Variants in ARSF observed in about 807,000 individuals in gnomAD.
The protein encoded by ARSF is arylsulfatase F.
Under a neutral mutation model 35.4 loss-of-function variants are expected in ARSF, and 33 were observed. The observed-to-expected ratio is 0.93, with a 90% CI of 0.71 to 1.25. ARSF has a LOEUF of 1.25. Among genes scored for constraint, ARSF ranks in the 50% most tolerant of loss-of-function variants. The pLI is 0.00. For synonymous variants in ARSF, 222 were observed against 193.1 expected (o/e 1.15, Z -1.24); for missense variants, 501 against 480.2 (o/e 1.04, Z -0.40).
At chrX:3,076,526 C>T in intron 3 of ARSF, 22 bp from the exon 4 acceptor site, 1 of 1,183,069 alleles carries the variant, frequency 8.5e-7, no homozygotes, top group Non-Finnish European at 1.1e-6. Flanking sequence ...CTCTCCAATA[C>T]ACCTTCCCTC....
At chrX:3,085,012 G>T (rs938359573) in intron 6 of ARSF, among the ~76,000 whole-genome samples, 1 of 110,858 alleles carries the variant, frequency 9.0e-6, no homozygotes, top group Non-Finnish European at 1.9e-5. Flanking sequence ...TTAGGAAATG[G>T]AATATTGCTA....
Position 3,089,573 on chromosome X carries a change from C to T in ARSF, c.908C>T (p.Thr303Ile). 8.3e-7 allele frequency: 1 copy of T among 1,211,610 alleles called. No homozygotes were observed. Among genetic ancestry groups the T allele is most frequent in the African/African-American group, 1.7e-5 (1 of 57,836 alleles). The change falls in exon 7 of 11, where the codon ACT becomes ATT. Residue 303 changes from threonine (T) to isoleucine (I), a missense_variant. Physicochemically the swap from Thr to Ile is moderately conservative, Grantham distance 89 (BLOSUM62 -1). Transcript: ENST00000381127. ...CCTCTCCCCACCACGGACGATTTCA[C>T]TGGCACCAGCAAGCATGGCTTGTAT... ...HTPLPTTDDFTGTSKHGLYGD... is the reference protein window; with the variant it reads ...HTPLPTTDDFIGTSKHGLYGD...
chrX:3,049,007 A>G (rs1421403900), intron 1 of ARSF, among the ~76,000 whole-genome samples: 4 of 112,286 alleles, frequency 3.6e-5, no homozygotes, highest in South Asian at 3.7e-4. Flanking sequence ...AGATGCTACC[A>G]AAAGACTAGG....
At chrX:3,064,589 C>G (rs1252992193) in intron 1 of ARSF, among the ~76,000 whole-genome samples, 2 of 111,634 alleles carry the variant, frequency 1.8e-5, no homozygotes, top group African/African-American at 6.5e-5. Context: ...CTACAAAGAA[C>G]ATAAACAAAT....
At position 3,076,200 on chromosome X, in the gene ARSF, T is replaced by A. The variant is rs369517916; in HGVS notation, c.162-348T>A. Among the ~76,000 whole-genome samples the A allele has an allele frequency of 3.8e-4, 42 of 109,167 alleles. 1 individual carries two copies. The South Asian group carries it at 0.016, about 41-fold the overall frequency. The allele number at this position is 109,167 out of a possible 115,157, so 94.8% of individuals were successfully genotyped here. Reference sequence around the variant, plus strand: ...CTTTCTGTCTTTCTCTCTCCTTTTTTCTGTTTGTCTCTCTCTTTCCATCTC... The same window carrying A: ...CTTTCTGTCTTTCTCTCTCCTTTTTACTGTTTGTCTCTCTCTTTCCATCTC... On this transcript the variant is annotated intron_variant, in intron 3 of 10. Coordinates refer to ENST00000381127, the MANE Select transcript of ARSF (RefSeq NM_001201539.2).
intron 7 of ARSF, among the ~76,000 whole-genome samples, chrX:3,093,069 G>C (rs1239284582): frequency 1.8e-5 from 2 of 110,444 alleles, no homozygotes; most frequent in Non-Finnish European, 3.8e-5. Context: ...GGGAGGCTGA[G>C]GCAGGAGAAT....
intron 10 of ARSF, 118 bp from the exon 11 acceptor site, chrX:3,112,056 G>C (rs752117565): frequency 5.5e-6 from 3 of 547,942 alleles, no homozygotes; most frequent in Non-Finnish European, 5.9e-6. Context: ...AACAGGCCAC[G>C]AACAGGTACC....
intron 4 of ARSF, among the ~76,000 whole-genome samples, chrX:3,077,789 T>TTTTTTATTATTATTA (rs1555919570): frequency 6.7e-4 from 62 of 92,214 alleles, no homozygotes; most frequent in South Asian, 1.2e-3. Flanking sequence ...TTTTATTTTA[T>TTTTTTATTATTATTA]TTATTATTAT....
At chrX:3,109,171 T>C (rs1123530) in intron 9 of ARSF, among the ~76,000 whole-genome samples, 12,096 of 110,271 alleles carry the variant, frequency 0.11, 628 homozygotes, top group African/African-American at 0.19. Context: ...AATACAAAAT[T>C]AGCTGGGTGT....
intron 7 of ARSF, among the ~76,000 whole-genome samples, chrX:3,098,731 T>C (rs1181020743): frequency 6.3e-5 from 7 of 111,471 alleles, no homozygotes; most frequent in African/African-American, 2.0e-4. Context: ...ATTAGCATCG[T>C]GAAAACAGAC....
intron 4 of ARSF, among the ~76,000 whole-genome samples, chrX:3,078,938 C>T (rs2090174501): frequency 1.8e-5 from 2 of 110,985 alleles, no homozygotes; most frequent in Admixed American, 1.9e-4. Flanking sequence ...AATCACTCCC[C>T]ATTCCCCCTT....
intron 2 of ARSF, among the ~76,000 whole-genome samples, chrX:3,068,762 G>A (rs113350369): frequency 0.029 from 3,196 of 111,435 alleles, 37 homozygotes; most frequent in Middle Eastern, 0.07. Flanking sequence ...AAAAACAGGA[G>A]GTGAAAAAAT....
chrX:3,045,807 G>A (rs1231593824), intron 1 of ARSF, among the ~76,000 whole-genome samples: 11 of 110,371 alleles, frequency 1.0e-4, no homozygotes, highest in African/African-American at 3.0e-4. Context: ...TGCCCACCTC[G>A]GTGCCTAATC....
chrX:3,073,929 T>C (rs1277164061), intron 3 of ARSF, among the ~76,000 whole-genome samples: 4 of 109,398 alleles, frequency 3.7e-5, no homozygotes, highest in South Asian at 3.8e-4. Flanking sequence ...CAGTGCTTTG[T>C]GGTGGATAAT....
Position 3,112,203 on chromosome X carries a change from A to G in ARSF, c.1420A>G (p.Thr474Ala). ...GTCAGTTTGGAAGGCTCACTATGTG[A>G]CCCCGGTATTCCAGCCACCAGCTTC... ...SGSVWKAHYVTPVFQPPASGG... is the reference protein window; with the variant it reads ...SGSVWKAHYVAPVFQPPASGG... The change falls in exon 11 of 11, where the codon ACC (threonine) becomes GCC (alanine). Residue 474 changes from threonine (T) to alanine (A), a missense_variant. Transcript: ENST00000381127. 8.3e-7 allele frequency: 1 copy of G among 1,208,373 alleles called. No individual in the cohort carries two copies. The highest frequency in any genetic ancestry group is 1.1e-6 in the Non-Finnish European group (1 of 894,264).
intron 7 of ARSF, among the ~76,000 whole-genome samples, chrX:3,094,006 G>C (rs1007797909): frequency 8.9e-6 from 1 of 111,800 alleles, no homozygotes; most frequent in Admixed American, 9.5e-5. Context: ...TACATTGAAA[G>C]TAATGACAAA....
At chrX:3,056,788 G>T (rs1205933433) in intron 1 of ARSF, among the ~76,000 whole-genome samples, 1 of 111,383 alleles carries the variant, frequency 9.0e-6, no homozygotes, top group African/African-American at 3.3e-5. Context: ...GAAAACAGGA[G>T]AACATTGACC....
intron 6 of ARSF, among the ~76,000 whole-genome samples, chrX:3,088,564 C>CT (rs34488601): frequency 4.3e-4 from 42 of 96,874 alleles, no homozygotes; most frequent in Non-Finnish European, 6.2e-4. Context: ...TCAAATCCAT[C>CT]TTTTTTTTTT....
Position 3,103,869 on chromosome X carries a change from A to G in ARSF, c.1210A>G (p.Met404Val). The change falls in exon 9 of 11, where the codon ATG becomes GTG. Residue 404 changes from methionine to valine, a missense_variant. By Grantham distance (21) the Met-to-Val change is conservative (BLOSUM62 1). Transcript: ENST00000381127. ...GRLIKEPTSL[M>V]DILPTVASVS... ...GTTGATTAAGGAACCTACAAGTTTAATGGATATTTTACCAACTGTCGCATC... is the reference window on the plus strand; with the variant it reads ...GTTGATTAAGGAACCTACAAGTTTAGTGGATATTTTACCAACTGTCGCATC... 2.5e-6 allele frequency: 3 copies of G among 1,211,687 alleles called. No homozygotes were observed. The East Asian group carries it at 8.9e-5, about 36-fold the overall frequency.
Sources: gnomAD v4.1 joint callset for allele counts (sites outside exome capture counted in the v4.1 genomes callset) on GRCh38, gnomAD v4.1.1 for gene constraint, MANE v1.5 for transcripts, NCBI Gene and HGNC (gene_info 2026-07-23, HGNC 2026-07-21) for gene names.